Variants in ARK2C observed in about 807,000 individuals in gnomAD.
The protein encoded by ARK2C is arkadia (RNF111) C-terminal like ring finger ubiquitin ligase 2C.
At chr18:46,419,756 G>T in the ARK2C span, among the ~76,000 whole-genome samples, 1 of 152,186 alleles carries the variant, frequency 6.6e-6, no homozygotes, top group Non-Finnish European at 1.5e-5. Context: ...AGACGGACAG[G>T]CCTCTGCTGC....
the ARK2C span, chr18:46,447,592 C>A: frequency 6.2e-7 from 1 of 1,614,102 alleles, no homozygotes; most frequent in Admixed American, 1.7e-5. Context: ...GGCTTGAGTC[C>A]TGCTCAGTTC....
the ARK2C span, among the ~76,000 whole-genome samples, chr18:46,381,916 G>A: frequency 1.3e-5 from 2 of 152,114 alleles, no homozygotes; most frequent in East Asian, 3.8e-4. Context: ...AGAGATGTGC[G>A]ACTCCCTTGC....
chr18:46,456,405 C>A, the ARK2C span: 1 of 770,192 alleles, frequency 1.3e-6, no homozygotes, highest in Non-Finnish European at 2.2e-6. Context: ...CCATCTCAGC[C>A]ACAGCCTCCC....
At chr18:46,359,635 A>T in the ARK2C span, among the ~76,000 whole-genome samples, 1 of 152,220 alleles carries the variant, frequency 6.6e-6, no homozygotes, top group African/African-American at 2.4e-5. Context: ...TTTGTTTAAA[A>T]TCTGCAGTTT....
At chr18:46,425,666 T>C in the ARK2C span, among the ~76,000 whole-genome samples, 1 of 152,128 alleles carries the variant, frequency 6.6e-6, no homozygotes, top group African/African-American at 2.4e-5. Flanking sequence ...TCTTTGCTCC[T>C]GCCCAGGCTC....
the ARK2C span, among the ~76,000 whole-genome samples, chr18:46,358,912 TCA>T: frequency 6.6e-6 from 1 of 152,136 alleles, no homozygotes; most frequent in Non-Finnish European, 1.5e-5. Flanking sequence ...AGAGACTCTC[TCA>T]GTCACACCCC....
the ARK2C span, chr18:46,450,145 A>C: frequency 1.1e-5 from 7 of 637,378 alleles, no homozygotes; most frequent in East Asian, 1.9e-4. Flanking sequence ...GTTCTTGATG[A>C]AAGAAAAGGG....
At chr18:46,437,917 C>T in the ARK2C span, among the ~76,000 whole-genome samples, 3 of 152,174 alleles carry the variant, frequency 2.0e-5, no homozygotes, top group Non-Finnish European at 4.4e-5. Context: ...TGAGCACCTC[C>T]GATTGTCCTT....
chr18:46,436,880 C>G, the ARK2C span, among the ~76,000 whole-genome samples: 28 of 152,192 alleles, frequency 1.8e-4, no homozygotes, highest in Non-Finnish European at 3.5e-4. Context: ...TCAGCACACA[C>G]GGAGTACTCA....
At chr18:46,450,312 G>C in the ARK2C span, 2 of 1,613,842 alleles carry the variant, frequency 1.2e-6, no homozygotes, top group African/African-American at 1.3e-5. Context: ...CATGAAATCC[G>C]AAACTACCCT....
the ARK2C span, chr18:46,458,816 C>A: frequency 3.9e-5 from 6 of 152,200 alleles, no homozygotes; most frequent in African/African-American, 1.4e-4. Flanking sequence ...GCTGAGGAGA[C>A]AAGACACATC....
At chr18:46,425,378 C>G in the ARK2C span, among the ~76,000 whole-genome samples, 1 of 152,242 alleles carries the variant, frequency 6.6e-6, no homozygotes, top group African/African-American at 2.4e-5. Context: ...AGGCCATCAT[C>G]CCTGGGGTAG....
the ARK2C span, among the ~76,000 whole-genome samples, chr18:46,391,575 G>A: frequency 2.1e-3 from 319 of 152,096 alleles, 5 homozygotes; most frequent in Admixed American, 0.019. Context: ...GGCCCTGCTC[G>A]AGCAGGGTAG....
the ARK2C span, among the ~76,000 whole-genome samples, chr18:46,424,965 G>A: frequency 2.2e-3 from 333 of 152,320 alleles, no homozygotes; most frequent in Non-Finnish European, 3.8e-3. Context: ...GCTGAACCCC[G>A]GCTCTTGAGG....
the ARK2C span, among the ~76,000 whole-genome samples, chr18:46,439,497 T>C: frequency 2.6e-5 from 4 of 152,194 alleles, no homozygotes; most frequent in Non-Finnish European, 2.9e-5. Flanking sequence ...CTAGCTGCAC[T>C]TTCCCAAAGG....
the ARK2C span, among the ~76,000 whole-genome samples, chr18:46,439,019 G>A: frequency 6.6e-6 from 1 of 152,252 alleles, no homozygotes; most frequent in African/African-American, 2.4e-5. Context: ...AGCTGCTGCT[G>A]TTCAGGCTGT....
the ARK2C span, among the ~76,000 whole-genome samples, chr18:46,369,965 G>A: frequency 6.6e-6 from 1 of 151,918 alleles, no homozygotes; most frequent in Non-Finnish European, 1.5e-5. Flanking sequence ...ACGCACACAT[G>A]CACACACACG....
chr18:46,390,620 C>T, the ARK2C span, among the ~76,000 whole-genome samples: 1 of 152,294 alleles, frequency 6.6e-6, no homozygotes, highest in South Asian at 2.1e-4. Flanking sequence ...AAGCCGTTTT[C>T]TCTTTTCTTT....
At chr18:46,397,559 G>GGTGT in the ARK2C span, among the ~76,000 whole-genome samples, 1 of 84,022 alleles carries the variant, frequency 1.2e-5, no homozygotes, top group Non-Finnish European at 2.3e-5. Context: ...GGGGTGTGAG[G>GGTGT]GTGTGTGTGT....
Sources: gnomAD v4.1 joint callset for allele counts (sites outside exome capture counted in the v4.1 genomes callset) on GRCh38, gnomAD v4.1.1 for gene constraint, MANE v1.5 for transcripts, NCBI Gene and HGNC (gene_info 2026-07-23, HGNC 2026-07-21) for gene names.